GAREM1: variants seen among roughly 807,000 people sequenced by gnomAD.
GAREM1 encodes the protein GRB2-associated and regulator of MAPK protein 1.
GAREM1 carries 26 observed loss-of-function variants against 71.3 expected under a neutral mutation model. The observed-to-expected ratio is 0.36, with a 90% CI of 0.27 to 0.51. The LOEUF (loss-of-function observed/expected upper bound fraction) is 0.51, where lower values mean the gene tolerates loss of function less well. Ranked by LOEUF, GAREM1 falls within the 20% of genes least tolerant of loss-of-function variation. The pLI is 0.95. For missense variants in GAREM1, 1,026 were observed against 1,103.1 expected (o/e 0.93, Z 0.99); for synonymous variants, 440 against 433.2 (o/e 1.02, Z -0.20).
intron 1 of GAREM1, among the ~76,000 whole-genome samples, chr18:32,394,923 T>C (rs1462640608): frequency 1.3e-5 from 2 of 152,222 alleles, no homozygotes; most frequent in Non-Finnish European, 2.9e-5. Context: ...ACAGAGTGGA[T>C]GTGGAGACAC....
chr18:32,395,356 G>A (rs2048241888), intron 1 of GAREM1, among the ~76,000 whole-genome samples: 2 of 152,200 alleles, frequency 1.3e-5, no homozygotes, highest in African/African-American at 4.8e-5. Context: ...CGCTGCCCTA[G>A]GGCACTTACT....
At chr18:32,370,080 T>C (rs2047962292) in intron 2 of GAREM1, among the ~76,000 whole-genome samples, 1 of 152,214 alleles carries the variant, frequency 6.6e-6, no homozygotes, top group South Asian at 2.1e-4. Flanking sequence ...GGGTGCGGGC[T>C]ACTTCATGGC....
intron 3 of GAREM1, among the ~76,000 whole-genome samples, chr18:32,309,662 G>A (rs767118737): frequency 1.7e-4 from 23 of 132,712 alleles, no homozygotes; most frequent in Non-Finnish European, 2.6e-4. Flanking sequence ...AACAAATAGA[G>A]CACAACAAAC....
chr18:32,348,757 CCT>C (rs753658155), intron 2 of GAREM1, among the ~76,000 whole-genome samples: 46 of 152,094 alleles, frequency 3.0e-4, no homozygotes, highest in South Asian at 8.3e-4. Flanking sequence ...GAAAATTCCC[CCT>C]TTCTTTCCTT....
At chr18:32,270,703 A>G (rs529566345) in intron 4 of GAREM1, among the ~76,000 whole-genome samples, 1 of 152,278 alleles carries the variant, frequency 6.6e-6, no homozygotes, top group South Asian at 2.1e-4. Context: ...AGCTAGTGAC[A>G]TGTGAGGATG....
At chr18:32,344,331 A>T (rs1296047228) in intron 2 of GAREM1, among the ~76,000 whole-genome samples, 1 of 152,194 alleles carries the variant, frequency 6.6e-6, no homozygotes, top group East Asian at 1.9e-4. Context: ...AAGTTTCTCA[A>T]AATTGGGGCA....
chr18:32,330,318 A>G (rs954871041), intron 2 of GAREM1, among the ~76,000 whole-genome samples: 3 of 152,202 alleles, frequency 2.0e-5, no homozygotes, highest in Non-Finnish European at 4.4e-5. Context: ...ATACTCATGG[A>G]CATCAAGATG....
intron 2 of GAREM1, among the ~76,000 whole-genome samples, chr18:32,321,392 T>C (rs2047426699): frequency 6.6e-6 from 1 of 152,192 alleles, no homozygotes; most frequent in Admixed American, 6.5e-5. Flanking sequence ...GTTCTGTGCA[T>C]GGCCGTCTTC....
chr18:32,338,223 T>C (rs1335342984), intron 2 of GAREM1, among the ~76,000 whole-genome samples: 1 of 152,208 alleles, frequency 6.6e-6, no homozygotes, highest in Non-Finnish European at 1.5e-5. Context: ...TAAATTTATT[T>C]TTATTTCCCC....
chr18:32,399,539 G>A (rs913840951), intron 1 of GAREM1, among the ~76,000 whole-genome samples: 3 of 152,112 alleles, frequency 2.0e-5, no homozygotes, highest in Admixed American at 2.0e-4. Context: ...CAGACAAACA[G>A]AGAGTCAACT....
intron 4 of GAREM1, among the ~76,000 whole-genome samples, chr18:32,277,929 T>G (rs766870692): frequency 6.6e-6 from 1 of 152,230 alleles, no homozygotes; most frequent in Non-Finnish European, 1.5e-5. Flanking sequence ...ATAGTATCTA[T>G]GAAATAATTT....
intron 4 of GAREM1, among the ~76,000 whole-genome samples, chr18:32,277,112 G>A (rs1160362053): frequency 1.3e-5 from 2 of 152,166 alleles, no homozygotes. Flanking sequence ...TCAAGTGAGG[G>A]GGCAGAGCCA....
chr18:32,307,529 TG>T (rs1339651208), intron 3 of GAREM1, among the ~76,000 whole-genome samples: 2 of 152,184 alleles, frequency 1.3e-5, no homozygotes. Flanking sequence ...CCAGACTTTT[TG>T]TTTTCTTTTT....
chr18:32,464,977 A>G (rs1423928510), intron 1 of GAREM1, among the ~76,000 whole-genome samples: 1 of 152,226 alleles, frequency 6.6e-6, no homozygotes, highest in Non-Finnish European at 1.5e-5. Flanking sequence ...AATGAAGAAT[A>G]GGGGCAAGTA....
intron 4 of GAREM1, among the ~76,000 whole-genome samples, chr18:32,272,103 A>C (rs1157966707): frequency 1.3e-5 from 2 of 152,124 alleles, no homozygotes; most frequent in Non-Finnish European, 2.9e-5. Flanking sequence ...GCAAGCTCCT[A>C]TTAGCTTTGG....
intron 1 of GAREM1, among the ~76,000 whole-genome samples, chr18:32,397,454 G>T (rs1453674883): frequency 6.6e-6 from 1 of 152,122 alleles, no homozygotes; most frequent in Admixed American, 6.5e-5. Flanking sequence ...AAGGATGGAG[G>T]AAGATCTACC....
chr18:32,366,087 A>G (rs1009114029), intron 2 of GAREM1, among the ~76,000 whole-genome samples: 1 of 152,038 alleles, frequency 6.6e-6, no homozygotes, highest in African/African-American at 2.4e-5. Flanking sequence ...TTTCATTGAA[A>G]TATACTGCTA....
At chr18:32,283,955 C>T (rs977013934) in intron 4 of GAREM1, among the ~76,000 whole-genome samples, 15 of 152,322 alleles carry the variant, frequency 9.8e-5, no homozygotes, top group African/African-American at 2.9e-4. Context: ...GGGAAGCCAA[C>T]ATCTTTAATT....
At chr18:32,415,869 C>T (rs1478050097) in intron 1 of GAREM1, among the ~76,000 whole-genome samples, 1 of 151,978 alleles carries the variant, frequency 6.6e-6, no homozygotes, top group African/African-American at 2.4e-5. Context: ...GAAGTCCTAA[C>T]TAGAACAAGC....
Sources: allele counts gnomAD v4.1 joint callset (sites outside exome capture counted in the v4.1 genomes callset), GRCh38; gene constraint gnomAD v4.1.1; transcripts MANE v1.5; gene names NCBI Gene and HGNC (gene_info 2026-07-23, HGNC 2026-07-21).